Variants in CADM2 observed in about 807,000 individuals in gnomAD.
CADM2 encodes immunoglobulin superfamily member 4D.
A neutral mutation model predicts 49.8 loss-of-function variants in CADM2; 12 were observed. That is an observed-to-expected ratio of 0.24 (90% CI 0.15 to 0.39). CADM2 has a LOEUF of 0.39. Ranked by LOEUF, CADM2 falls within the 10% of genes least tolerant of loss-of-function variation. The probability of loss-of-function intolerance (pLI) is 1.00; values close to 1 mark genes in which losing one functional copy is unlikely to be tolerated. For missense variants in CADM2, 378 were observed against 492.3 expected (o/e 0.77, Z 2.20); for synonymous variants, 214 against 175.4 (o/e 1.22, Z -1.74).
intron 3 of CADM2, among the ~76,000 whole-genome samples, chr3:85,832,754 A>T (rs768835957): frequency 2.0e-5 from 3 of 151,864 alleles, no homozygotes; most frequent in African/African-American, 4.8e-5. Flanking sequence ...CTGCAAACAG[A>T]GATAATTTGA....
intron 1 of CADM2, among the ~76,000 whole-genome samples, chr3:85,473,893 C>T (rs1225655006): frequency 4.6e-5 from 7 of 151,934 alleles, no homozygotes; most frequent in African/African-American, 1.7e-4. Context: ...CCAGCAATGC[C>T]TCTTGTTAAC....
At chr3:85,012,409 A>G (rs2034041977) in intron 1 of CADM2, among the ~76,000 whole-genome samples, 1 of 148,726 alleles carries the variant, frequency 6.7e-6, no homozygotes, top group South Asian at 2.1e-4. Flanking sequence ...TTTACTATCA[A>G]TTGTTCATAT....
At chr3:85,133,132 T>C (rs7646739) in intron 1 of CADM2, among the ~76,000 whole-genome samples, 84,062 of 151,868 alleles carry the variant, frequency 0.55, 23,956 homozygotes, top group African/African-American at 0.6. Flanking sequence ...GCAGACTTTC[T>C]CAGTGAGTGT....
intron 1 of CADM2, among the ~76,000 whole-genome samples, chr3:85,607,802 A>G (rs1449996215): frequency 6.6e-6 from 1 of 151,802 alleles, no homozygotes; most frequent in East Asian, 1.9e-4. Flanking sequence ...GATTACAGGC[A>G]CAGGCCACCA....
intron 1 of CADM2, among the ~76,000 whole-genome samples, chr3:85,531,566 A>G (rs1262389383): frequency 6.6e-6 from 1 of 152,188 alleles, no homozygotes; most frequent in African/African-American, 2.4e-5. Flanking sequence ...TTGCAAGAGT[A>G]TGTTCACCAA....
intron 1 of CADM2, among the ~76,000 whole-genome samples, chr3:85,504,598 G>T (rs1256975765): frequency 2.0e-5 from 3 of 152,208 alleles, no homozygotes; most frequent in Non-Finnish European, 4.4e-5. Flanking sequence ...AAATTCAGGA[G>T]CCCAGCTGGC....
At position 85,001,770 on chromosome 3, in the gene CADM2, A is replaced by G. The variant is rs149474710; in HGVS notation, c.61+42102A>G. On this transcript the variant is annotated intron_variant, in intron 1 of 9. Transcript: ENST00000383699. ...ATATTAAGTACCTTAAAACATTAAT[A>G]TCTCTGAGACCTTTGAACTATTTTC... is the stretch of plus-strand genomic sequence containing the variant. Among the ~76,000 whole-genome samples, 1,255 of 152,226 alleles carry G rather than the reference A, an allele frequency of 8.2e-3. 7 individuals carry two copies. Among genetic ancestry groups the G allele is most frequent in the Non-Finnish European group, 0.013 (888 of 67,948 alleles).
intron 1 of CADM2, among the ~76,000 whole-genome samples, chr3:85,057,959 C>T (rs928419737): frequency 1.3e-5 from 2 of 152,030 alleles, no homozygotes; most frequent in Non-Finnish European, 2.9e-5. Context: ...AGAATTTTCC[C>T]GATGGTAGGT....
At chr3:85,900,406 A>T (rs1715951526) in intron 5 of CADM2, among the ~76,000 whole-genome samples, 1 of 152,200 alleles carries the variant, frequency 6.6e-6, no homozygotes, top group East Asian at 1.9e-4. Context: ...ATTAAAAATC[A>T]TGCGAGTTTT....
At chr3:85,850,630 A>AAGG (rs1477163698) in intron 3 of CADM2, among the ~76,000 whole-genome samples, 2 of 152,028 alleles carry the variant, frequency 1.3e-5, no homozygotes, top group Non-Finnish European at 1.5e-5. Context: ...ACCCAGCCTC[A>AAGG]ATTCTTGTCA....
At chr3:85,706,665 G>GA (rs1172566730) in intron 1 of CADM2, among the ~76,000 whole-genome samples, 1 of 152,006 alleles carries the variant, frequency 6.6e-6, no homozygotes, top group Non-Finnish European at 1.5e-5. Context: ...ACTGAAATAT[G>GA]AAAAAATATA....
chr3:85,701,480 AT>A (rs35098652), intron 1 of CADM2, among the ~76,000 whole-genome samples: 1,595 of 150,352 alleles, frequency 0.011, 16 homozygotes, highest in Middle Eastern at 0.045. Context: ...ATTAGGCTGT[AT>A]TTTTTTTTTC....
At chr3:85,437,552 T>C (rs1012811397) in intron 1 of CADM2, among the ~76,000 whole-genome samples, 3 of 152,140 alleles carry the variant, frequency 2.0e-5, no homozygotes, top group Admixed American at 6.6e-5. Context: ...CTCTAAGAGG[T>C]ATGTAATGGC....
intron 2 of CADM2, among the ~76,000 whole-genome samples, chr3:85,778,480 G>A (rs911941734): frequency 8.5e-5 from 13 of 152,112 alleles, no homozygotes; most frequent in Non-Finnish European, 1.6e-4. Context: ...TGATGTTCTC[G>A]TGATAATGCA....
At chr3:84,983,434 G>T (rs2032333662) in intron 1 of CADM2, among the ~76,000 whole-genome samples, 1 of 151,074 alleles carries the variant, frequency 6.6e-6, no homozygotes, top group South Asian at 2.1e-4. Context: ...ATTATGCCTA[G>T]AATTCCAAAG....
At chr3:86,049,201 T>C (rs1737042233) in intron 8 of CADM2, among the ~76,000 whole-genome samples, 1 of 152,114 alleles carries the variant, frequency 6.6e-6, no homozygotes, top group Non-Finnish European at 1.5e-5. Flanking sequence ...AATGTGACTG[T>C]ATTAGTCCAT....
At chr3:85,347,746 A>T (rs1442438461) in intron 1 of CADM2, among the ~76,000 whole-genome samples, 2 of 150,458 alleles carry the variant, frequency 1.3e-5, no homozygotes, top group Non-Finnish European at 3.0e-5. Context: ...GGTTGAAGTG[A>T]TTCTCCTGCC....
chr3:85,348,291 T>C (rs983944318), intron 1 of CADM2, among the ~76,000 whole-genome samples: 9 of 152,170 alleles, frequency 5.9e-5, no homozygotes, highest in Non-Finnish European at 1.2e-4. Context: ...GTCAAATGAT[T>C]AGATGAGGCT....
intron 1 of CADM2, among the ~76,000 whole-genome samples, chr3:85,570,511 TAA>T (rs2062444099): frequency 1.3e-5 from 2 of 152,108 alleles, no homozygotes; most frequent in African/African-American, 4.8e-5. Flanking sequence ...AAAGAACAAT[TAA>T]AGTCTATATT....
Sources: gnomAD v4.1 joint callset for allele counts (sites outside exome capture counted in the v4.1 genomes callset) on GRCh38, gnomAD v4.1.1 for gene constraint, MANE v1.5 for transcripts, NCBI Gene and HGNC (gene_info 2026-07-23, HGNC 2026-07-21) for gene names.